HEATR3: variants seen among roughly 807,000 people sequenced by gnomAD.
HEATR3 encodes HEAT repeat containing 3.
HEATR3 carries 56 observed loss-of-function variants against 72.8 expected under a neutral mutation model. The ratio of observed to expected loss-of-function variants is 0.77; its 90% CI spans 0.62 to 0.96. The LOEUF (loss-of-function observed/expected upper bound fraction) is 0.96. HEATR3 is among the 40% of genes least tolerant of loss of function. The pLI is 0.00. For missense variants in HEATR3, 747 were observed against 831.4 expected, an observed-to-expected ratio of 0.90 and a Z score of 1.25; for synonymous variants, 331 against 318.1, an observed-to-expected ratio of 1.04 and a Z score of -0.43.
chr16:50,083,729 A>T (rs2036921467), intron 7 of HEATR3, among the ~76,000 whole-genome samples: 1 of 152,190 alleles, frequency 6.6e-6, no homozygotes, highest in Admixed American at 6.5e-5. Flanking sequence ...AAACCCAGTT[A>T]ACGGGGGCAT....
intron 5 of HEATR3, chr16:50,072,999 G>C (rs748951888): frequency 2.3e-5 from 7 of 306,990 alleles, no homozygotes; most frequent in Non-Finnish European, 4.2e-5. Flanking sequence ...ATTAATTCTT[G>C]AAGTTTTCAT....
At chr16:50,080,344 T>A (rs932943708) in intron 7 of HEATR3, 10 of 144,246 alleles carry the variant, frequency 6.9e-5, no homozygotes, top group African/African-American at 2.6e-4. Context: ...GCTCACAGAT[T>A]TTTTTTTTTT....
chr16:50,104,829 C>G (rs1597186809), intron 14 of HEATR3, 110 bp from the exon 15 acceptor site: 4 of 973,270 alleles, frequency 4.1e-6, no homozygotes, highest in Non-Finnish European at 5.8e-6. Context: ...CAAATTCTTA[C>G]AGCTATCTGC....
chr16:50,072,878 A>G (rs1361745637), intron 5 of HEATR3, 164 bp downstream of exon 5: 5 of 572,666 alleles, frequency 8.7e-6, no homozygotes, highest in Non-Finnish European at 1.5e-5. Context: ...TGTGATTAAT[A>G]TTAATTCTTT....
chr16:50,070,712 A>G (rs1328170409), intron 4 of HEATR3, among the ~76,000 whole-genome samples: 1 of 152,132 alleles, frequency 6.6e-6, no homozygotes, highest in Non-Finnish European at 1.5e-5. Flanking sequence ...CAAAAAAAAA[A>G]AAGACTTGGT....
At position 50,101,984 on chromosome 16, in the gene HEATR3, G is replaced by A. The variant is rs542135010; in HGVS notation, c.1744-275G>A. On this transcript the variant is annotated intron_variant, in intron 13 of 14. Transcript: ENST00000299192. ...TTGACATCATGGAGAAATCCTTTTT[G>A]AGAGAGGTAGAGGGGAAAATTTAGT... Among the ~76,000 whole-genome samples, 3 of 152,250 alleles carry A rather than the reference G, an allele frequency of 2.0e-5. No individual in the cohort carries two copies. In the South Asian group the frequency reaches 6.2e-4, roughly 32 times the overall value.
chr16:50,066,649 C>T (rs2036504191), intron 2 of HEATR3, 110 bp downstream of exon 2: 1 of 988,294 alleles, frequency 1.0e-6, no homozygotes, highest in Non-Finnish European at 1.3e-6. Flanking sequence ...CAGGCACTGG[C>T]CCGGTCTCCC....
intron 8 of HEATR3, 53 bp downstream of exon 8, chr16:50,084,080 C>T: frequency 1.9e-6 from 3 of 1,613,452 alleles, no homozygotes; most frequent in Non-Finnish European, 2.5e-6. Flanking sequence ...GAGGGAAACT[C>T]CCGTGGAGAT....
intron 11 of HEATR3, among the ~76,000 whole-genome samples, chr16:50,090,776 C>A (rs977251668): frequency 1.4e-4 from 21 of 152,130 alleles, no homozygotes; most frequent in African/African-American, 5.1e-4. Flanking sequence ...TCAGAACGTT[C>A]TTTTTTAGTT....
chr16:50,076,807 C>G (rs1597145565), intron 6 of HEATR3, among the ~76,000 whole-genome samples: 2 of 151,666 alleles, frequency 1.3e-5, no homozygotes, highest in Non-Finnish European at 2.9e-5. Context: ...TCAAGCGATC[C>G]TCCTGCCTCA....
At position 50,066,091 on chromosome 16, in the gene HEATR3, C is replaced by A; in HGVS notation, c.-41C>A. On this transcript the variant is annotated 5_prime_UTR_variant, in exon 1 of 15. Coordinates refer to ENST00000299192, the MANE Select transcript of HEATR3 (RefSeq NM_182922.4). ...CGGCAGCCTCCACCGCCTGCTGTTG[C>A]CCTCCTCTCTCGGTGGTCTGTCCGC... is the stretch of plus-strand genomic sequence containing the variant. 6.4e-7 allele frequency: 1 copy of A among 1,555,776 alleles called. No individual in the cohort carries two copies. The highest frequency in any genetic ancestry group is 2.4e-5 in the East Asian group (1 of 42,224).
intron 2 of HEATR3, among the ~76,000 whole-genome samples, chr16:50,068,575 A>G (rs1445705445): frequency 6.6e-6 from 1 of 152,224 alleles, no homozygotes; most frequent in Non-Finnish European, 1.5e-5. Flanking sequence ...ACTAAGTTAT[A>G]TGACAGCGTC....
intron 13 of HEATR3, among the ~76,000 whole-genome samples, chr16:50,101,297 A>G (rs560917666): frequency 2.6e-4 from 39 of 151,814 alleles, no homozygotes; most frequent in African/African-American, 8.2e-4. Flanking sequence ...TGTATTTTTA[A>G]TAGAGATGGG....
intron 4 of HEATR3, 24 bp downstream of exon 4, chr16:50,070,314 C>T: frequency 1.7e-6 from 2 of 1,206,960 alleles, no homozygotes; most frequent in Non-Finnish European, 2.5e-6. Flanking sequence ...CAAACACAGT[C>T]TCCTGCTATA....
intron 12 of HEATR3, among the ~76,000 whole-genome samples, chr16:50,096,644 C>T (rs779180305): frequency 2.0e-5 from 3 of 151,992 alleles, no homozygotes; most frequent in Non-Finnish European, 4.4e-5. Flanking sequence ...ACAAAAAATA[C>T]AAAAATCAGC....
At chr16:50,067,642 G>T (rs1455454741) in intron 2 of HEATR3, among the ~76,000 whole-genome samples, 1 of 152,150 alleles carries the variant, frequency 6.6e-6, no homozygotes, top group East Asian at 1.9e-4. Context: ...GTGACATGCT[G>T]CAACACATTT....
At chr16:50,073,284 C>T (rs1160609947) in intron 5 of HEATR3, 1 of 152,676 alleles carries the variant, frequency 6.5e-6, no homozygotes, top group Non-Finnish European at 1.5e-5. Context: ...CACTGGGGAC[C>T]CTCAGCTCAG....
chr16:50,102,287 C>G lies in HEATR3; in HGVS notation c.1772C>G (p.Thr591Ser). Reference sequence around the variant, plus strand: ...ATTGGGTGCTTTCTGCTTGAAGTTACCACCAAAGATCCTTCCCTTGTGGTA... The same window carrying G: ...ATTGGGTGCTTTCTGCTTGAAGTTAGCACCAAAGATCCTTCCCTTGTGGTA... ...KNIGCFLLEV[T>S]TKDPSLVVAG... Residue 591 changes from threonine to serine, a missense_variant, in exon 14 of 15, where the codon ACC (threonine) becomes AGC (serine). Around this residue, in one of 2 missense-constraint regions of HEATR3, gnomAD observed 586 missense variants for 708.8 expected, o/e 0.83. Coordinates refer to ENST00000299192, the MANE Select transcript of HEATR3 (RefSeq NM_182922.4). 2 of 1,613,474 alleles carry G rather than the reference C, an allele frequency of 1.2e-6. No homozygotes were observed. Among genetic ancestry groups the G allele is most frequent in the Non-Finnish European group, 8.5e-7 (1 of 1,179,846 alleles).
Position 50,066,025 on chromosome 16 carries a change from C to A in HEATR3, c.-107C>A. ...TGCCCATGTGTGCTGCAGCCGTCAG[C>A]CGGCCCAGCTGAGCAGCAGCAACGG... On this transcript the variant is annotated 5_prime_UTR_variant, in exon 1 of 15. Coordinates refer to ENST00000299192, the MANE Select transcript of HEATR3 (RefSeq NM_182922.4). The A allele has an allele frequency of 1.6e-6, 2 of 1,253,878 alleles. No homozygotes were observed. Among genetic ancestry groups the A allele is most frequent in the Non-Finnish European group, 2.2e-6 (2 of 920,818 alleles). 77.7% of individuals were successfully genotyped at this position (1,253,878 alleles called of 1,614,324 possible).
Sources: allele counts gnomAD v4.1 joint callset (sites outside exome capture counted in the v4.1 genomes callset), GRCh38; gene constraint gnomAD v4.1.1; regional missense constraint gnomAD v4.1.1; transcripts MANE v1.5; gene names NCBI Gene and HGNC (gene_info 2026-07-23, HGNC 2026-07-21).